CASK: variants seen among roughly 807,000 people sequenced by gnomAD.
CASK encodes calcium/calmodulin dependent serine protein kinase, also known as peripheral plasma membrane protein CASK.
In CASK, 4 loss-of-function variants were observed where a neutral mutation model predicts 82.9. That is an observed-to-expected ratio of 0.05 (90% CI 0.02 to 0.11). CASK has a LOEUF of 0.11. Among genes scored for constraint, CASK ranks in the 10% least tolerant of loss-of-function variants. The pLI is 1.00. For synonymous variants in CASK, 259 were observed against 253.5 expected (o/e 1.02, Z -0.20); for missense variants, 358 against 720.9 (o/e 0.50, Z 5.76).
intron 24 of CASK, among the ~76,000 whole-genome samples, chrX:41,532,436 C>G (rs1297240250): frequency 3.6e-5 from 4 of 112,038 alleles, no homozygotes; most frequent in Non-Finnish European, 5.6e-5. Context: ...GTGAGTGTAA[C>G]TGAAGTATAT....
intron 5 of CASK, among the ~76,000 whole-genome samples, chrX:41,689,454 CTTA>C (rs1302357328): frequency 9.0e-6 from 1 of 111,666 alleles, no homozygotes; most frequent in East Asian, 2.8e-4. Flanking sequence ...TAAATTATAA[CTTA>C]TTGACTTTAA....
chrX:41,780,837 CG>C (rs2069461618), intron 3 of CASK, among the ~76,000 whole-genome samples: 1 of 107,347 alleles, frequency 9.3e-6, no homozygotes, highest in African/African-American at 3.4e-5. Context: ...TTAGTAGAGA[CG>C]GGGTTTTGCC....
intron 3 of CASK, among the ~76,000 whole-genome samples, chrX:41,778,955 C>G (rs1052830486): frequency 9.0e-6 from 1 of 111,074 alleles, no homozygotes; most frequent in African/African-American, 3.3e-5. Flanking sequence ...TTTATATCAA[C>G]TCTTTTAAAA....
At chrX:41,577,877 G>A (rs777969994) in intron 15 of CASK, among the ~76,000 whole-genome samples, 1 of 111,978 alleles carries the variant, frequency 8.9e-6, no homozygotes, top group Non-Finnish European at 1.9e-5. Flanking sequence ...TATTTCAGCA[G>A]TGTTACTCAA....
chrX:41,632,597 G>A (rs748603069), intron 9 of CASK, among the ~76,000 whole-genome samples: 19 of 111,786 alleles, frequency 1.7e-4, no homozygotes, highest in Non-Finnish European at 3.2e-4. Flanking sequence ...AAATTGAAAT[G>A]TAAACAGTTA....
At chrX:41,655,187 C>T (rs192113701) in intron 8 of CASK, among the ~76,000 whole-genome samples, 97 of 111,130 alleles carry the variant, frequency 8.7e-4, no homozygotes, top group African/African-American at 2.9e-3. Context: ...ATCTGCACTT[C>T]GAGAAATATT....
chrX:41,818,374 G>A (rs1009321123), intron 2 of CASK, among the ~76,000 whole-genome samples: 1 of 110,292 alleles, frequency 9.1e-6, no homozygotes, highest in Non-Finnish European at 1.9e-5. Flanking sequence ...AGGCTGAGGT[G>A]GGTGGATTGT....
chrX:41,654,094 T>C (rs769826506), intron 8 of CASK, among the ~76,000 whole-genome samples: 1 of 111,918 alleles, frequency 8.9e-6, no homozygotes, highest in East Asian at 2.8e-4. Context: ...AGATATTCAC[T>C]CACTGAATAC....
chrX:41,782,991 A>C (rs1489984750), intron 3 of CASK, among the ~76,000 whole-genome samples: 1 of 110,750 alleles, frequency 9.0e-6, no homozygotes. Flanking sequence ...CAAAAAATAC[A>C]AAAATTAGCC....
chrX:41,808,086 C>A (rs187748948), intron 2 of CASK, among the ~76,000 whole-genome samples: 10 of 111,658 alleles, frequency 9.0e-5, no homozygotes, highest in Non-Finnish European at 5.6e-5. Flanking sequence ...AACTCCTGAC[C>A]TCAGGTGATC....
intron 25 of CASK, among the ~76,000 whole-genome samples, chrX:41,528,854 G>C (rs1205688731): frequency 8.9e-6 from 1 of 112,227 alleles, no homozygotes; most frequent in Non-Finnish European, 1.9e-5. Context: ...CAGCTGAGGA[G>C]AGACTGGGCT....
At chrX:41,886,441 C>G (rs1181928345) in intron 1 of CASK, among the ~76,000 whole-genome samples, 1 of 111,591 alleles carries the variant, frequency 9.0e-6, no homozygotes, top group Non-Finnish European at 1.9e-5. Context: ...GAACAAGTTA[C>G]AAAGACATCT....
At chrX:41,616,238 C>T (rs978035612) in intron 11 of CASK, among the ~76,000 whole-genome samples, 1 of 111,722 alleles carries the variant, frequency 9.0e-6, no homozygotes, top group African/African-American at 3.3e-5. Context: ...ATAATATCTA[C>T]AAAGTATGCA....
chrX:41,653,685 C>T, intron 8 of CASK, among the ~76,000 whole-genome samples: 1 of 112,323 alleles, frequency 8.9e-6, no homozygotes, highest in Middle Eastern at 4.6e-3. Flanking sequence ...ACTACTGAAA[C>T]CAGAGGGTAC....
chrX:41,770,958 T>C (rs1361616827), intron 3 of CASK, among the ~76,000 whole-genome samples: 1 of 111,128 alleles, frequency 9.0e-6, no homozygotes, highest in Non-Finnish European at 1.9e-5. Flanking sequence ...ACGAAAGAGA[T>C]AAAGGGGCAG....
chrX:41,695,582 C>A, intron 5 of CASK: 2 of 836,867 alleles, frequency 2.4e-6, no homozygotes, highest in Non-Finnish European at 3.5e-6. Context: ...AAGAACTACA[C>A]ATGAGGAATA....
intron 5 of CASK, among the ~76,000 whole-genome samples, chrX:41,700,579 C>CT (rs71826128): frequency 1.2e-4 from 8 of 65,168 alleles, no homozygotes; most frequent in Non-Finnish European, 1.4e-4. Context: ...ACGTATATGA[C>CT]TTTTTTTTTT....
chrX:41,622,256 G>A (rs1010158096), intron 11 of CASK, among the ~76,000 whole-genome samples: 1 of 112,375 alleles, frequency 8.9e-6, no homozygotes, highest in Non-Finnish European at 1.9e-5. Flanking sequence ...AATTGTCAAA[G>A]AAAAATTCAC....
chrX:41,542,165 A>C (rs773930487), intron 22 of CASK, among the ~76,000 whole-genome samples: 3 of 112,840 alleles, frequency 2.7e-5, no homozygotes, highest in Non-Finnish European at 5.6e-5. Flanking sequence ...TGAGGGAAGA[A>C]GACGACTCAC....
Sources: gnomAD v4.1 joint callset for allele counts (sites outside exome capture counted in the v4.1 genomes callset) on GRCh38, gnomAD v4.1.1 for gene constraint, MANE v1.5 for transcripts, NCBI Gene and HGNC (gene_info 2026-07-23, HGNC 2026-07-21) for gene names.